The following METTL15 variants were observed in gnomAD, a reference collection of about 807,000 sequenced individuals.
METTL15 encodes methyltransferase 15, mitochondrial 12S rRNA N4-cytidine.
METTL15 carries 34 observed loss-of-function variants against 38.3 expected under a neutral mutation model. The ratio of observed to expected loss-of-function variants is 0.89; its 90% CI spans 0.68 to 1.18. The LOEUF is 1.18. METTL15 is among the 50% of genes most tolerant of loss of function. The pLI is 0.00. For synonymous variants in METTL15, 162 were observed against 170.9 expected (o/e 0.95, Z 0.41); for missense variants, 438 against 498.4 (o/e 0.88, Z 1.15).
chr11:28,262,809 A>G (rs1431428771), intron 4 of METTL15, among the ~76,000 whole-genome samples: 4 of 152,060 alleles, frequency 2.6e-5, no homozygotes, highest in Admixed American at 1.3e-4. Flanking sequence ...TTTTCTTGCT[A>G]TTGTGGCTTT....
At chr11:28,266,410 G>C (rs528712151) in intron 4 of METTL15, among the ~76,000 whole-genome samples, 25 of 152,154 alleles carry the variant, frequency 1.6e-4, no homozygotes, top group African/African-American at 6.0e-4. Context: ...TCCTTTGTAG[G>C]GACACAGATG....
chr11:28,493,909 C>T (rs1011807713), intron 6 of METTL15, among the ~76,000 whole-genome samples: 3 of 152,172 alleles, frequency 2.0e-5, no homozygotes, highest in Non-Finnish European at 4.4e-5. Context: ...AATTTTGCTA[C>T]ATATCTTGCA....
chr11:28,310,767 G>A (rs1483125389), intron 6 of METTL15, among the ~76,000 whole-genome samples: 2 of 151,952 alleles, frequency 1.3e-5, no homozygotes, highest in African/African-American at 4.8e-5. Context: ...CCCTAAACAT[G>A]TCTTACATTG....
intron 3 of METTL15, among the ~76,000 whole-genome samples, chr11:28,136,757 A>C (rs892696100): frequency 2.3e-4 from 35 of 152,152 alleles, no homozygotes; most frequent in Non-Finnish European, 3.2e-4. Flanking sequence ...TAGCATCCAA[A>C]AGCTAGGGGT....
intron 3 of METTL15, among the ~76,000 whole-genome samples, chr11:28,150,008 T>C (rs1850025035): frequency 6.6e-6 from 1 of 151,928 alleles, no homozygotes; most frequent in Non-Finnish European, 1.5e-5. Flanking sequence ...CCAATGTCGC[T>C]TCTTTGAATT....
chr11:28,499,614 G>C (rs1851565407), intron 6 of METTL15, among the ~76,000 whole-genome samples: 2 of 152,088 alleles, frequency 1.3e-5, no homozygotes, highest in Admixed American at 6.5e-5. Flanking sequence ...CCAACTTATT[G>C]GTACTTAACA....
chr11:28,474,966 G>C (rs1851333163), intron 6 of METTL15, among the ~76,000 whole-genome samples: 1 of 152,176 alleles, frequency 6.6e-6, no homozygotes, highest in Admixed American at 6.5e-5. Context: ...GGTGATACAG[G>C]TGACCAAGAA....
chr11:28,130,870 A>G (rs2133631587), intron 3 of METTL15, among the ~76,000 whole-genome samples: 1 of 152,348 alleles, frequency 6.6e-6, no homozygotes, highest in East Asian at 1.9e-4. Flanking sequence ...TTAAATCCTT[A>G]TAAAAAGTAC....
At chr11:28,378,761 G>GT (rs61227879) in intron 5 of METTL15, among the ~76,000 whole-genome samples, 3,830 of 123,874 alleles carry the variant, frequency 0.031, 192 homozygotes, top group East Asian at 0.18. Context: ...CTCCTCTTCA[G>GT]TTTTTTTTTT....
At chr11:28,175,282 T>A (rs1236129225) in intron 3 of METTL15, among the ~76,000 whole-genome samples, 1 of 62,094 alleles carries the variant, frequency 1.6e-5, no homozygotes, top group Non-Finnish European at 2.9e-5. Flanking sequence ...TGAACTCATC[T>A]TTTTTTATGG....
At chr11:28,202,703 T>C (rs1410515439) in intron 3 of METTL15, among the ~76,000 whole-genome samples, 1 of 152,092 alleles carries the variant, frequency 6.6e-6, no homozygotes, top group African/African-American at 2.4e-5. Flanking sequence ...AACTAAAATT[T>C]TTTCAAAAGC....
At chr11:28,179,312 T>G (rs1851195814) in intron 3 of METTL15, among the ~76,000 whole-genome samples, 1 of 151,786 alleles carries the variant, frequency 6.6e-6, no homozygotes, top group Admixed American at 6.6e-5. Flanking sequence ...TCTGTAACAG[T>G]TTTTTATTAA....
chr11:28,453,230 CTCAG>C (rs1459043688), intron 6 of METTL15, among the ~76,000 whole-genome samples: 2 of 152,220 alleles, frequency 1.3e-5, no homozygotes, highest in Non-Finnish European at 2.9e-5. Flanking sequence ...TTTTTTCCTA[CTCAG>C]TCAGTAAACT....
At position 28,340,431 on chromosome 11, in the gene METTL15, CA is replaced by C. The variant is rs1767120630; in HGVS notation, c.*190-11655del. Among the ~76,000 whole-genome samples, 6 of 152,182 alleles carry C rather than the reference CA, an allele frequency of 3.9e-5. No individual in the cohort carries two copies. The South Asian group carries it at 1.2e-3, about 32-fold the overall frequency. ...AAAGTTTTGCAATCTATCCATCTGG[CA>C]AAAGGCTAATATCCAGAATCTGCAA... On this transcript the variant is annotated intron_variant and NMD_transcript_variant, in intron 3 of 7. Coordinates refer to the METTL15 transcript ENST00000532947.
At chr11:28,235,135 T>G (rs1373097679) in intron 4 of METTL15, among the ~76,000 whole-genome samples, 1 of 152,136 alleles carries the variant, frequency 6.6e-6, no homozygotes, top group Non-Finnish European at 1.5e-5. Context: ...GCGTTATTTC[T>G]GAGGGGTCTG....
At chr11:28,323,410 G>A (rs897985154) in intron 6 of METTL15, among the ~76,000 whole-genome samples, 3 of 152,162 alleles carry the variant, frequency 2.0e-5, no homozygotes, top group Non-Finnish European at 2.9e-5. Context: ...ATTAAACCAA[G>A]GTAAGGGGAC....
At chr11:28,450,520 A>G (rs1851111435) in intron 6 of METTL15, among the ~76,000 whole-genome samples, 1 of 152,212 alleles carries the variant, frequency 6.6e-6, no homozygotes, top group African/African-American at 2.4e-5. Context: ...TAAAGGTAAA[A>G]GCTTATTGAA....
chr11:28,227,196 T>C (rs1463550563), intron 4 of METTL15, among the ~76,000 whole-genome samples: 1 of 151,870 alleles, frequency 6.6e-6, no homozygotes, highest in Non-Finnish European at 1.5e-5. Context: ...TTATACCAAC[T>C]ACTTTTCAGG....
At chr11:28,379,276 A>G (rs1409116033) in intron 5 of METTL15, among the ~76,000 whole-genome samples, 4 of 151,768 alleles carry the variant, frequency 2.6e-5, no homozygotes, top group Non-Finnish European at 5.9e-5. Flanking sequence ...CATTTTTTAT[A>G]TTCTAGTTCC....
Sources: allele counts gnomAD v4.1 joint callset (sites outside exome capture counted in the v4.1 genomes callset), GRCh38; gene constraint gnomAD v4.1.1; transcripts MANE v1.5; gene names NCBI Gene and HGNC (gene_info 2026-07-23, HGNC 2026-07-21).